MCC: variants seen among roughly 807,000 people sequenced by gnomAD.
MCC encodes the protein colorectal mutant cancer protein.
MCC carries 90 observed loss-of-function variants against 116.2 expected under a neutral mutation model. The ratio of observed to expected loss-of-function variants is 0.77; its 90% CI spans 0.65 to 0.92. The LOEUF (loss-of-function observed/expected upper bound fraction) is 0.92. Among genes scored for constraint, MCC ranks in the 40% least tolerant of loss-of-function variants. The pLI is 0.00. For missense variants in MCC, 1,516 were observed against 1,312.2 expected (o/e 1.16, Z -2.40); for synonymous variants, 578 against 510.5 (o/e 1.13, Z -1.78).
intron 1 of MCC, among the ~76,000 whole-genome samples, chr5:113,413,487 G>A (rs1770050385): frequency 6.6e-6 from 1 of 152,064 alleles, no homozygotes; most frequent in Non-Finnish European, 1.5e-5. Context: ...ACTTCTTCCT[G>A]GTTTAGTCTT....
chr5:113,378,324 T>C (rs1046583123), intron 2 of MCC, among the ~76,000 whole-genome samples: 6 of 152,196 alleles, frequency 3.9e-5, no homozygotes, highest in African/African-American at 1.4e-4. Context: ...TTCAGTACTT[T>C]ATTTTTTCCT....
chr5:113,140,243 C>G (rs1170083178), intron 5 of MCC, among the ~76,000 whole-genome samples: 2 of 152,118 alleles, frequency 1.3e-5, no homozygotes, highest in African/African-American at 4.8e-5. Flanking sequence ...TTATATTTGC[C>G]ACCTCCTACC....
chr5:113,091,879 C>T (rs1360988532), intron 8 of MCC, among the ~76,000 whole-genome samples: 1 of 123,320 alleles, frequency 8.1e-6, no homozygotes, highest in Non-Finnish European at 1.7e-5. Flanking sequence ...TGCAATGAGA[C>T]TCAGACACAC....
At chr5:113,373,632 G>C (rs1768895656) in intron 2 of MCC, among the ~76,000 whole-genome samples, 1 of 152,178 alleles carries the variant, frequency 6.6e-6, no homozygotes, top group Admixed American at 6.5e-5. Context: ...CATGGCAGAT[G>C]ACGTGACCTC....
chr5:113,211,718 C>T (rs1763141574), intron 3 of MCC, among the ~76,000 whole-genome samples: 1 of 152,128 alleles, frequency 6.6e-6, no homozygotes, highest in Non-Finnish European at 1.5e-5. Context: ...TTGAAGGAGA[C>T]CTTTAACTCA....
chr5:113,159,054 G>T (rs57017650), intron 3 of MCC, among the ~76,000 whole-genome samples: 1 of 152,136 alleles, frequency 6.6e-6, no homozygotes, highest in African/African-American at 2.4e-5. Flanking sequence ...TTGGGTGGGA[G>T]CGAGAAGGGT....
intron 2 of MCC, among the ~76,000 whole-genome samples, chr5:113,360,147 C>T (rs1768510856): frequency 6.6e-6 from 1 of 151,770 alleles, no homozygotes; most frequent in East Asian, 1.9e-4. Flanking sequence ...TGAAAATCAG[C>T]CTAATCAAAA....
chr5:113,139,718 T>G (rs1759065163), intron 5 of MCC, among the ~76,000 whole-genome samples: 1 of 152,226 alleles, frequency 6.6e-6, no homozygotes, highest in Admixed American at 6.5e-5. Flanking sequence ...GATCTAGAAC[T>G]AGACATACCA....
chr5:113,153,061 A>G (rs534775284), intron 3 of MCC, among the ~76,000 whole-genome samples: 2 of 152,298 alleles, frequency 1.3e-5, no homozygotes, highest in South Asian at 4.1e-4. Flanking sequence ...TTGCCCCCTC[A>G]GCCTTTGAAC....
At chr5:113,113,539 C>T (rs749278687) in intron 6 of MCC, among the ~76,000 whole-genome samples, 2 of 149,208 alleles carry the variant, frequency 1.3e-5, no homozygotes, top group Non-Finnish European at 3.0e-5. Flanking sequence ...CTTATGAGAA[C>T]AATGTTGTGG....
At chr5:113,293,173 C>T (rs2150361950) in intron 3 of MCC, among the ~76,000 whole-genome samples, 1 of 152,176 alleles carries the variant, frequency 6.6e-6, no homozygotes, top group East Asian at 1.9e-4. Context: ...AGCCCGACGG[C>T]AGACCTCCTA....
intron 3 of MCC, among the ~76,000 whole-genome samples, chr5:113,200,370 C>T (rs1192841786): frequency 6.6e-6 from 1 of 152,166 alleles, no homozygotes; most frequent in Non-Finnish European, 1.5e-5. Flanking sequence ...GGGCTCAGGA[C>T]AGCAGCTCTG....
chr5:113,117,024 C>G (rs958709955), intron 6 of MCC, among the ~76,000 whole-genome samples: 5 of 152,246 alleles, frequency 3.3e-5, no homozygotes, highest in Non-Finnish European at 7.3e-5. Context: ...CGGTCTAACC[C>G]TTTCAGTCTG....
chr5:113,449,135 T>G (rs1359550281), intron 1 of MCC, among the ~76,000 whole-genome samples: 2 of 152,190 alleles, frequency 1.3e-5, no homozygotes, highest in Non-Finnish European at 2.9e-5. Flanking sequence ...GCTCACGAAC[T>G]AATCAATTAT....
chr5:113,069,404 C>T (rs894886475), intron 12 of MCC, among the ~76,000 whole-genome samples: 1 of 152,256 alleles, frequency 6.6e-6, no homozygotes, highest in Non-Finnish European at 1.5e-5. Context: ...ACGTGGCCCA[C>T]GTCCACACAA....
intron 8 of MCC, among the ~76,000 whole-genome samples, chr5:113,092,580 C>G (rs1056240158): frequency 6.6e-6 from 1 of 152,162 alleles, no homozygotes; most frequent in Non-Finnish European, 1.5e-5. Context: ...TAAAGACCCT[C>G]TCAAAGATTA....
chr5:113,185,580 C>G (rs1251592049), intron 3 of MCC, among the ~76,000 whole-genome samples: 1 of 152,050 alleles, frequency 6.6e-6, no homozygotes, highest in African/African-American at 2.4e-5. Flanking sequence ...TGACAGCTGA[C>G]AAAAAGGTAA....
chr5:113,260,847 T>A (rs1765196215), intron 3 of MCC, among the ~76,000 whole-genome samples: 1 of 152,028 alleles, frequency 6.6e-6, no homozygotes, highest in Admixed American at 6.6e-5. Context: ...GGGTTGCAAA[T>A]ATGAGTTTTC....
At chr5:113,480,411 A>G (rs1423783280) in intron 1 of MCC, among the ~76,000 whole-genome samples, 1 of 152,248 alleles carries the variant, frequency 6.6e-6, no homozygotes, top group Non-Finnish European at 1.5e-5. Flanking sequence ...ACAGTTTAAC[A>G]TTGTGAAATC....
Sources: allele counts gnomAD v4.1 joint callset (sites outside exome capture counted in the v4.1 genomes callset), GRCh38; gene constraint gnomAD v4.1.1; transcripts MANE v1.5; gene names NCBI Gene and HGNC (gene_info 2026-07-23, HGNC 2026-07-21).